Variants in TSPAN18 observed in about 807,000 individuals in gnomAD.
The protein encoded by TSPAN18 is tetraspanin-18.
Under a neutral mutation model 27.3 loss-of-function variants are expected in TSPAN18, and 14 were observed. The observed-to-expected ratio is 0.51, with a 90% confidence interval of 0.34 to 0.80. The LOEUF is 0.80. Ranked by LOEUF, TSPAN18 falls within the 30% of genes least tolerant of loss-of-function variation. TSPAN18 has a pLI of 0.01. For synonymous variants in TSPAN18, 143 were observed against 136.5 expected (o/e 1.05, Z -0.33); for missense variants, 268 against 323.9 (o/e 0.83, Z 1.32).
chr11:44,740,694 A>G (rs1379026974), intron 1 of TSPAN18, among the ~76,000 whole-genome samples: 1 of 152,130 alleles, frequency 6.6e-6, no homozygotes. Context: ...TTGTTCCTCA[A>G]ATGGAGTGAT....
At chr11:44,873,280 C>G (rs1858244613) in intron 3 of TSPAN18, among the ~76,000 whole-genome samples, 1 of 152,188 alleles carries the variant, frequency 6.6e-6, no homozygotes, top group Non-Finnish European at 1.5e-5. Flanking sequence ...CATGGTGGCC[C>G]AGATTTTTTT....
intron 2 of TSPAN18, among the ~76,000 whole-genome samples, chr11:44,791,387 C>CA: frequency 6.6e-6 from 1 of 152,334 alleles, no homozygotes; most frequent in East Asian, 1.9e-4. Flanking sequence ...CTAATTGGCT[C>CA]ATCTGTTTAA....
chr11:44,782,724 C>T (rs940725940), intron 2 of TSPAN18, among the ~76,000 whole-genome samples: 34 of 152,136 alleles, frequency 2.2e-4, no homozygotes, highest in African/African-American at 8.0e-4. Context: ...GTAACGGTAT[C>T]GCATTCTGGT....
At chr11:44,791,985 G>A (rs1035900114) in intron 2 of TSPAN18, among the ~76,000 whole-genome samples, 1 of 152,168 alleles carries the variant, frequency 6.6e-6, no homozygotes. Context: ...TCCTGGATAG[G>A]GGGGTGCAGC....
At chr11:44,869,428 A>T (rs1858130744) in intron 3 of TSPAN18, among the ~76,000 whole-genome samples, 1 of 152,124 alleles carries the variant, frequency 6.6e-6, no homozygotes, top group African/African-American at 2.4e-5. Context: ...CCCACTTCTC[A>T]CTCGTGGAGA....
At chr11:44,790,020 G>T (rs1467190233) in intron 2 of TSPAN18, among the ~76,000 whole-genome samples, 1 of 152,172 alleles carries the variant, frequency 6.6e-6, no homozygotes, top group Non-Finnish European at 1.5e-5. Flanking sequence ...GGGTTTCTGG[G>T]GTGTCCTCAT....
At chr11:44,873,594 AAGG>A in intron 3 of TSPAN18, among the ~76,000 whole-genome samples, 1 of 152,340 alleles carries the variant, frequency 6.6e-6, no homozygotes, top group East Asian at 1.9e-4. Context: ...AGGAAATTCT[AAGG>A]AGATGTGGCT....
At chr11:44,905,434 G>A (rs1859420130) in intron 3 of TSPAN18, among the ~76,000 whole-genome samples, 1 of 152,170 alleles carries the variant, frequency 6.6e-6, no homozygotes, top group African/African-American at 2.4e-5. Context: ...TGGGACATCG[G>A]ACATGTCGTT....
At chr11:44,817,075 G>A (rs1175130672) in intron 2 of TSPAN18, among the ~76,000 whole-genome samples, 3 of 152,174 alleles carry the variant, frequency 2.0e-5, no homozygotes, top group East Asian at 1.9e-4. Context: ...GGCTGGAGGC[G>A]AGGAGCAGGG....
chr11:44,823,828 C>G (rs1020996288), intron 2 of TSPAN18, among the ~76,000 whole-genome samples: 1 of 152,098 alleles, frequency 6.6e-6, no homozygotes. Context: ...TTCCCATCAC[C>G]CTCTGAGACA....
intron 3 of TSPAN18, among the ~76,000 whole-genome samples, chr11:44,888,457 A>G (rs533409546): frequency 6.6e-6 from 1 of 152,276 alleles, no homozygotes; most frequent in Admixed American, 6.5e-5. Context: ...GGGGGGCACC[A>G]TCTAGTACCC....
chr11:44,919,370 A>G (rs1159502159), intron 7 of TSPAN18, 58 bp downstream of exon 7: 5 of 1,420,270 alleles, frequency 3.5e-6, no homozygotes, highest in Non-Finnish European at 5.0e-6. Context: ...CAGTGTTCAC[A>G]TGCCCACGCC....
chr11:44,903,631 G>C (rs548621382), intron 3 of TSPAN18: 1 of 456,664 alleles, frequency 2.2e-6, no homozygotes, highest in Non-Finnish European at 4.4e-6. Flanking sequence ...CCAGGAGCAG[G>C]GCTGAGGCTG....
intron 4 of TSPAN18, 81 bp from the exon 5 acceptor site, chr11:44,909,624 C>T: frequency 6.8e-7 from 1 of 1,464,816 alleles, no homozygotes; most frequent in South Asian, 1.3e-5. Context: ...CTGGGGCTGG[C>T]TCAGGGGAGT....
intron 3 of TSPAN18, among the ~76,000 whole-genome samples, chr11:44,880,064 T>A (rs1212115305): frequency 6.6e-6 from 1 of 152,200 alleles, no homozygotes; most frequent in African/African-American, 2.4e-5. Context: ...AGGAGTAGCC[T>A]GCCTTTCTGG....
chr11:44,917,854 ATC>A (rs1431479022), intron 5 of TSPAN18, 116 bp from the exon 6 acceptor site: 6 of 888,556 alleles, frequency 6.8e-6, no homozygotes, highest in Non-Finnish European at 1.1e-5. Context: ...GAGTGCCTTA[ATC>A]TTACAAAATG....
At chr11:44,824,725 G>A (rs1419155341) in intron 2 of TSPAN18, among the ~76,000 whole-genome samples, 1 of 152,212 alleles carries the variant, frequency 6.6e-6, no homozygotes, top group Non-Finnish European at 1.5e-5. Flanking sequence ...GGGCTTCCTG[G>A]CTCACAGGGC....
chr11:44,900,680 CTTTTTTTTTTTTTT>C (rs72469181), intron 3 of TSPAN18, among the ~76,000 whole-genome samples: 42 of 49,698 alleles, frequency 8.5e-4, no homozygotes, highest in Admixed American at 6.8e-3. Context: ...TTGAGGAAGG[CTTTTTTTTTTTTTT>C]TTTTTTTTTT....
chr11:44,893,408 GT>G (rs1858923945), intron 3 of TSPAN18, among the ~76,000 whole-genome samples: 1 of 152,216 alleles, frequency 6.6e-6, no homozygotes, highest in South Asian at 2.1e-4. Context: ...CTGTGACCAT[GT>G]CCCCATGTTG....
Sources: gnomAD v4.1 joint callset for allele counts (sites outside exome capture counted in the v4.1 genomes callset) on GRCh38, gnomAD v4.1.1 for gene constraint, MANE v1.5 for transcripts, NCBI Gene and HGNC (gene_info 2026-07-23, HGNC 2026-07-21) for gene names.